CARF: variants seen among roughly 807,000 people sequenced by gnomAD.
CARF encodes the protein calcium responsive transcription factor.
In CARF, 57 loss-of-function variants were observed where a neutral mutation model predicts 82.0. The observed-to-expected ratio is 0.70, with a 90% confidence interval of 0.56 to 0.87. CARF has a LOEUF of 0.87. Among genes scored for constraint, CARF ranks in the 40% least tolerant of loss-of-function variants. The pLI, the probability that CARF is intolerant of heterozygous loss-of-function variation, is 0.00. For missense variants in CARF, 771 were observed against 855.8 expected (o/e 0.90, Z 1.24); for synonymous variants, 268 against 290.1 (o/e 0.92, Z 0.77).
chr2:202,941,532 C>T (rs2058229924), intron 3 of CARF, among the ~76,000 whole-genome samples: 1 of 152,076 alleles, frequency 6.6e-6, no homozygotes, highest in Admixed American at 6.5e-5. Context: ...TGCATTAAAT[C>T]TCTGGTAATA....
At chr2:202,975,999 C>T (rs1224947837) in intron 13 of CARF, among the ~76,000 whole-genome samples, 1 of 151,508 alleles carries the variant, frequency 6.6e-6, no homozygotes, top group Non-Finnish European at 1.5e-5. Context: ...GAGCCATGAT[C>T]ATGCCGTTGC....
chr2:202,985,350 A>T lies in CARF; in HGVS notation c.*1726A>T, dbSNP rs967891745. The T allele has an allele frequency of 2.0e-5, 3 of 152,106 alleles. No homozygotes were observed. Among genetic ancestry groups the T allele is most frequent in the Admixed American group, 6.6e-5 (1 of 15,266 alleles). The allele number at this position is 152,106 out of a possible 1,614,324, so 9.4% of individuals were successfully genotyped here. On this transcript the variant is annotated 3_prime_UTR_variant, in exon 17 of 17. Coordinates refer to ENST00000438828, the MANE Select transcript of CARF (RefSeq NM_024744.17). The stretch of plus-strand genomic sequence containing the variant: ...ATGTATCTAAATATAAAGTACTGTT[A>T]TAGTAGAGGTAGGTGGAATTCTAAT...
At position 202,981,652 on chromosome 2, in the gene CARF, CTCATT is replaced by C; in HGVS notation, c.1660_1664del (p.Phe554AlafsTer20). 6.2e-7 allele frequency: 1 copy of C among 1,612,064 alleles called. No homozygotes were observed. The highest frequency in any genetic ancestry group is 8.5e-7 in the Non-Finnish European group (1 of 1,178,834). Reference sequence around the variant, plus strand: ...CAACCCACTTGCTCTCCTCACTCTCCTCATTTCAGCCCAAAATATTTACACAACTA... The same window carrying C: ...CAACCCACTTGCTCTCCTCACTCTCCTCAGCCCAAAATATTTACACAACTA... On this transcript the variant is annotated frameshift_variant, in exon 15 of 17. Coordinates refer to ENST00000438828, the MANE Select transcript of CARF (RefSeq NM_024744.17). LOFTEE classifies it high-confidence loss of function.
At chr2:202,937,710 C>T (rs1452577393) in intron 3 of CARF, among the ~76,000 whole-genome samples, 4 of 152,002 alleles carry the variant, frequency 2.6e-5, no homozygotes, top group African/African-American at 4.8e-5. Flanking sequence ...TTACAACCTG[C>T]GTCTCTTGGG....
At chr2:202,917,498 A>G (rs1304001357) in intron 1 of CARF, among the ~76,000 whole-genome samples, 1 of 152,162 alleles carries the variant, frequency 6.6e-6, no homozygotes, top group African/African-American at 2.4e-5. Context: ...GAGGTAGGGC[A>G]TGGGGAGAAG....
intron 7 of CARF, among the ~76,000 whole-genome samples, 178 bp from the exon 8 acceptor site, chr2:202,955,496 T>C (rs2058993432): frequency 6.6e-6 from 1 of 152,220 alleles, no homozygotes; most frequent in Admixed American, 6.5e-5. Context: ...GTTAATAAAA[T>C]AGCAGTGGTT....
chr2:202,924,942 G>A, intron 3 of CARF: 1 of 297,258 alleles, frequency 3.4e-6, no homozygotes, highest in Non-Finnish European at 6.6e-6. Context: ...CCCTAAACAA[G>A]TTTGCCCCCT....
intron 3 of CARF, among the ~76,000 whole-genome samples, chr2:202,936,821 CTGTTT>C (rs1439277845): frequency 6.6e-6 from 1 of 152,112 alleles, no homozygotes; most frequent in African/African-American, 2.4e-5. Context: ...TCCAATTTAT[CTGTTT>C]TCTCTTTTAC....
At chr2:202,949,444 C>G (rs1232598014) in intron 5 of CARF, among the ~76,000 whole-genome samples, 3 of 151,670 alleles carry the variant, frequency 2.0e-5, no homozygotes, top group African/African-American at 7.3e-5. Flanking sequence ...GGGTGTGCCA[C>G]TGCCATCAGC....
chr2:202,983,298 G>A (rs1404434858), intron 16 of CARF, among the ~76,000 whole-genome samples: 1 of 152,174 alleles, frequency 6.6e-6, no homozygotes, highest in African/African-American at 2.4e-5. Flanking sequence ...CAACATAGAA[G>A]TAAACTCTGT....
At chr2:202,917,679 A>AT (rs1427880742) in intron 1 of CARF, among the ~76,000 whole-genome samples, 198 bp from the exon 2 acceptor site, 1 of 152,174 alleles carries the variant, frequency 6.6e-6, no homozygotes, top group Non-Finnish European at 1.5e-5. Context: ...GCACAGAGAG[A>AT]TTGTCACCTG....
chr2:202,960,191 A>G (rs150397599), intron 8 of CARF, among the ~76,000 whole-genome samples: 1 of 152,342 alleles, frequency 6.6e-6, no homozygotes, highest in East Asian at 1.9e-4. Flanking sequence ...TCCATAAGAT[A>G]AAAGCAAACC....
rs1254944135 is a variant in CARF at position 202,987,758 on chromosome 2, C to A, written c.*4134C>A. Among the ~76,000 whole-genome samples, 1 of 152,002 alleles carries A rather than the reference C, an allele frequency of 6.6e-6. No individual in the cohort carries two copies. Among genetic ancestry groups the A allele is most frequent in the Non-Finnish European group, 1.5e-5 (1 of 67,974 alleles). On this transcript the variant is annotated 3_prime_UTR_variant, in exon 17 of 17. Coordinates refer to ENST00000438828, the MANE Select transcript of CARF (RefSeq NM_024744.17). The stretch of plus-strand genomic sequence containing the variant: ...GATTTGGGTATAAGAATACTAAAAC[C>A]AGAGTACAGGGTGTGAATCATGTAC...
intron 1 of CARF, among the ~76,000 whole-genome samples, chr2:202,914,624 C>A (rs1406706029): frequency 6.6e-6 from 1 of 151,750 alleles, no homozygotes; most frequent in Non-Finnish European, 1.5e-5. Context: ...GCTAAAAATA[C>A]AAAAATTGGC....
At chr2:202,923,946 C>G (rs992976962) in intron 2 of CARF, among the ~76,000 whole-genome samples, 1 of 152,178 alleles carries the variant, frequency 6.6e-6, no homozygotes, top group African/African-American at 2.4e-5. Flanking sequence ...AAACTGGATC[C>G]TCATCTCTCA....
At chr2:202,956,506 C>T (rs1483878800) in intron 8 of CARF, among the ~76,000 whole-genome samples, 1 of 152,114 alleles carries the variant, frequency 6.6e-6, no homozygotes, top group Non-Finnish European at 1.5e-5. Flanking sequence ...CCACCTCAGG[C>T]TCCCAAAGTG....
Position 202,981,638 on chromosome 2 carries a change from C to T in CARF, c.1642C>T (p.Leu548Phe). ...TTTGTCTCCTGAGCCAACCCACTTG[C>T]TCTCCTCACTCTCCTCATTTCAGCC... ...GSLSPEPTHL[L>F]SSLSSFQPKI... Residue 548 changes from leucine to phenylalanine, a missense_variant, in exon 15 of 17, where the codon CTC becomes TTC. Physicochemically the swap from Leu to Phe is conservative, Grantham distance 22. Coordinates refer to ENST00000438828, the MANE Select transcript of CARF (RefSeq NM_024744.17). 1 of 1,610,850 alleles carries T rather than the reference C, an allele frequency of 6.2e-7. No homozygotes were observed. Among genetic ancestry groups the T allele is most frequent in the Non-Finnish European group, 8.5e-7 (1 of 1,177,656 alleles).
At chr2:202,943,496 C>T (rs1235868810) in intron 5 of CARF, among the ~76,000 whole-genome samples, 1 of 151,700 alleles carries the variant, frequency 6.6e-6, no homozygotes, top group East Asian at 1.9e-4. Flanking sequence ...TTTGGGCACA[C>T]TTGTGCTTTG....
chr2:202,946,493 A>G (rs2058504372), intron 5 of CARF, among the ~76,000 whole-genome samples: 1 of 152,232 alleles, frequency 6.6e-6, no homozygotes, highest in Admixed American at 6.5e-5. Flanking sequence ...TATACAAAAA[A>G]TTAATTCAAG....
Sources: allele counts gnomAD v4.1 joint callset (sites outside exome capture counted in the v4.1 genomes callset), GRCh38; gene constraint gnomAD v4.1.1; transcripts MANE v1.5; gene names NCBI Gene and HGNC (gene_info 2026-07-23, HGNC 2026-07-21).